The following POC1A variants were observed in gnomAD, a reference collection of about 807,000 sequenced individuals.
POC1A encodes POC1 centriolar protein A.
In POC1A, 34 loss-of-function variants were observed where a neutral mutation model predicts 47.8. The observed-to-expected ratio is 0.71, with a 90% confidence interval of 0.54 to 0.95. The LOEUF is 0.95. Among genes scored for constraint, POC1A ranks in the 40% least tolerant of loss-of-function variants. The pLI is 0.00. For synonymous variants in POC1A, 177 were observed against 207.6 expected (o/e 0.85, Z 1.27); for missense variants, 466 against 528.3 (o/e 0.88, Z 1.16).
intron 9 of POC1A, among the ~76,000 whole-genome samples, chr3:52,116,576 C>T (rs1258755786): frequency 1.3e-5 from 2 of 152,134 alleles, no homozygotes; most frequent in Non-Finnish European, 2.9e-5. Context: ...ATTTTGATGC[C>T]TGCAAGGGTC....
At chr3:52,117,675 C>T (rs753130139) in intron 9 of POC1A, among the ~76,000 whole-genome samples, 6 of 152,078 alleles carry the variant, frequency 3.9e-5, no homozygotes, top group Non-Finnish European at 5.9e-5. Flanking sequence ...GCAGCCAACC[C>T]TTAGAACTCA....
At chr3:52,082,030 G>A (rs1702312260) in intron 10 of POC1A, among the ~76,000 whole-genome samples, 1 of 152,164 alleles carries the variant, frequency 6.6e-6, no homozygotes, top group Admixed American at 6.5e-5. Context: ...AGATTACACA[G>A]GCTGAGTATG....
chr3:52,079,483 G>C lies in POC1A; in HGVS notation c.1126-3498C>G, dbSNP rs879698922. On this transcript the variant is annotated intron_variant, in intron 10 of 10. Coordinates refer to ENST00000296484, the MANE Select transcript of POC1A (RefSeq NM_015426.5). The surrounding 1 kb of genome is among the most constrained non-coding windows in gnomAD (Gnocchi z 4.6). ...CCACACTCCATGGCCTGGAAGCCAC[G>C]ACTTTCATTTATTCAAGGAAAAATG... Among the ~76,000 whole-genome samples the C allele has an allele frequency of 6.6e-6, 1 of 152,244 alleles. No homozygotes were observed.
intron 8 of POC1A, 26 bp from the exon 9 acceptor site, chr3:52,122,503 G>A: frequency 1.2e-5 from 16 of 1,383,430 alleles, no homozygotes; most frequent in Non-Finnish European, 1.6e-5. Context: ...GGCACACCAA[G>A]TCAGGAGAAG....
chr3:52,110,828 A>C (rs984608163), intron 9 of POC1A, among the ~76,000 whole-genome samples: 2 of 152,222 alleles, frequency 1.3e-5, no homozygotes, highest in African/African-American at 4.8e-5. Context: ...ACTCAGGTTC[A>C]TTTCCCCACA....
At chr3:52,109,504 A>C (rs967488376) in intron 9 of POC1A, among the ~76,000 whole-genome samples, 1 of 152,166 alleles carries the variant, frequency 6.6e-6, no homozygotes, top group Non-Finnish European at 1.5e-5. Flanking sequence ...AACAAAAAAA[A>C]AAACCTTCCT....
At chr3:52,077,741 C>T (rs376978725) in intron 10 of POC1A, among the ~76,000 whole-genome samples, 3 of 152,118 alleles carry the variant, frequency 2.0e-5, no homozygotes, top group African/African-American at 2.4e-5. Context: ...AGACTTTTTC[C>T]GATGGCCCCA....
At chr3:52,111,057 C>T (rs749576286) in intron 9 of POC1A, among the ~76,000 whole-genome samples, 1 of 152,328 alleles carries the variant, frequency 6.6e-6, no homozygotes, top group African/African-American at 2.4e-5. Context: ...GCTCTGTCTT[C>T]CTGATACTGT....
At chr3:52,077,031 G>C (rs1702136345) in intron 10 of POC1A, among the ~76,000 whole-genome samples, 1 of 152,290 alleles carries the variant, frequency 6.6e-6, no homozygotes, top group Non-Finnish European at 1.5e-5. Flanking sequence ...ACCAGAGCAA[G>C]CCTGCCCCAC....
intron 10 of POC1A, among the ~76,000 whole-genome samples, chr3:52,080,769 C>T (rs897385535): frequency 5.3e-5 from 8 of 152,252 alleles, no homozygotes; most frequent in African/African-American, 1.9e-4. Context: ...CCAAAACATG[C>T]TGTGGAACTC....
rs565226352 is a variant in POC1A, at chr3:52,148,347, C to T, written c.455+863G>A. Among the ~76,000 whole-genome samples the T allele has an allele frequency of 1.4e-3, 217 of 152,300 alleles. 1 individual carries two copies. The highest frequency in any genetic ancestry group is 2.9e-3 in the Admixed American group (44 of 15,306). On this transcript the variant is annotated intron_variant, in intron 4 of 10. Coordinates refer to ENST00000296484, the MANE Select transcript of POC1A (RefSeq NM_015426.5). ...CTCCCAGGACAAAGGAATGGGGGTGCCCTGGAGAACAGTAACTTGTATGGG... is the reference window on the plus strand; with the variant it reads ...CTCCCAGGACAAAGGAATGGGGGTGTCCTGGAGAACAGTAACTTGTATGGG...
At chr3:52,086,454 G>C (rs1197050628) in intron 10 of POC1A, among the ~76,000 whole-genome samples, 2 of 152,222 alleles carry the variant, frequency 1.3e-5, no homozygotes, top group African/African-American at 4.8e-5. Flanking sequence ...GAATCTCTTT[G>C]CTGTGGGGTC....
intron 8 of POC1A, 129 bp from the exon 9 acceptor site, chr3:52,122,606 A>AC (rs1222857856): frequency 3.0e-6 from 2 of 655,830 alleles, no homozygotes; most frequent in Non-Finnish European, 5.5e-6. Context: ...CCCACCTGAC[A>AC]CCCCAACTCA....
chr3:52,120,169 C>G (rs781193365), intron 9 of POC1A, among the ~76,000 whole-genome samples: 10 of 152,196 alleles, frequency 6.6e-5, no homozygotes, highest in Non-Finnish European at 1.2e-4. Context: ...TGGAAATAGA[C>G]GGTGATGGTT....
intron 1 of POC1A, 47 bp from the exon 2 acceptor site, chr3:52,151,147 G>A (rs1471384783): frequency 1.2e-6 from 2 of 1,611,382 alleles, no homozygotes; most frequent in South Asian, 1.1e-5. Flanking sequence ...GTGAGGAAGG[G>A]GCTTCCCCAG....
chr3:52,117,694 G>GT (rs915150635), intron 9 of POC1A, among the ~76,000 whole-genome samples: 27 of 151,372 alleles, frequency 1.8e-4, no homozygotes, highest in Admixed American at 6.6e-4. Flanking sequence ...CAGAAAGTGG[G>GT]TTTTTTTTTC....
intron 7 of POC1A, among the ~76,000 whole-genome samples, chr3:52,129,498 C>T (rs1357355289): frequency 6.6e-6 from 1 of 152,184 alleles, no homozygotes; most frequent in Non-Finnish European, 1.5e-5. Flanking sequence ...AGACCTGTCT[C>T]TGGGTGTCTC....
chr3:52,132,448 A>G (rs1226916544), intron 7 of POC1A, among the ~76,000 whole-genome samples: 1 of 152,184 alleles, frequency 6.6e-6, no homozygotes, highest in Non-Finnish European at 1.5e-5. Flanking sequence ...AACATATCCC[A>G]GCACTTGGCC....
chr3:52,148,631 G>A (rs916359912), intron 4 of POC1A, among the ~76,000 whole-genome samples: 1 of 152,250 alleles, frequency 6.6e-6, no homozygotes, highest in Non-Finnish European at 1.5e-5. Context: ...TCCAGGCTAA[G>A]CCCCCCATCT....
Sources: gnomAD v4.1 joint callset for allele counts (sites outside exome capture counted in the v4.1 genomes callset) on GRCh38, gnomAD v4.1.1 for gene constraint, Gnocchi (gnomAD v3.1) non-coding constraint, MANE v1.5 for transcripts, NCBI Gene and HGNC (gene_info 2026-07-23, HGNC 2026-07-21) for gene names.